The following CD36 variants were observed in gnomAD, a reference collection of about 807,000 sequenced individuals.
The protein encoded by CD36 is CD36 molecule (CD36 blood group).
A neutral mutation model predicts 55.2 loss-of-function variants in CD36; 119 were observed. The ratio of observed to expected loss-of-function variants is 2.15; its 90% CI spans 1.86 to 2.51. CD36 has a LOEUF of 2.51. Among genes scored for constraint, CD36 ranks in the 30% most tolerant of loss-of-function variants. The pLI, the probability that CD36 is intolerant of heterozygous loss-of-function variation, is 0.00. For missense variants in CD36, 819 were observed against 555.5 expected, an observed-to-expected ratio of 1.47 and a Z score of -4.77; for synonymous variants, 186 against 193.6, an observed-to-expected ratio of 0.96 and a Z score of 0.33.
At chr7:80,630,831 G>A (rs1321099651) in intron 1 of CD36, among the ~76,000 whole-genome samples, 1 of 151,930 alleles carries the variant, frequency 6.6e-6, no homozygotes, top group African/African-American at 2.4e-5. Flanking sequence ...ATGCAGCTTG[G>A]GAAAATAAAT....
chr7:80,663,080 A>G lies in CD36; in HGVS notation c.520A>G (p.Thr174Ala), dbSNP rs756525492. The change falls in exon 6 of 15, where the codon ACT becomes GCT. Residue 174 changes from threonine to alanine, a missense_variant. Physicochemically the swap from Thr to Ala is moderately conservative, Grantham distance 58. Coordinates refer to ENST00000447544, the MANE Select transcript of CD36 (RefSeq NM_001001548.3). ...AAAATCTTCTATGTTCCAAGTCAGA[A>G]CTTTGAGAGAACTGTTATGGGGCTA... ...KSKSSMFQVRTLRELLWGYRD... is the reference protein window; with the variant it reads ...KSKSSMFQVRALRELLWGYRD... 1.1e-5 allele frequency: 17 copies of G among 1,613,472 alleles called. No homozygotes were observed. In the African/African-American group the frequency reaches 2.3e-4, roughly 22 times the overall value.
At chr7:80,611,222 C>G (rs1179649703) in intron 1 of CD36, among the ~76,000 whole-genome samples, 3 of 152,140 alleles carry the variant, frequency 2.0e-5, no homozygotes, top group Non-Finnish European at 2.9e-5. Flanking sequence ...TGTTTTGTGG[C>G]CTTTCAGCAG....
intron 1 of CD36, among the ~76,000 whole-genome samples, chr7:80,608,426 G>C (rs1166731191): frequency 6.6e-6 from 1 of 152,096 alleles, no homozygotes; most frequent in Non-Finnish European, 1.5e-5. Flanking sequence ...TTGTACCTCT[G>C]CTTCCCTATC....
rs1000465011 is a variant in CD36, at chr7:80,661,051, C to A, written c.282-12C>A. 3 of 1,598,848 alleles carry A rather than the reference C, an allele frequency of 1.9e-6. No individual in the cohort carries two copies. Among genetic ancestry groups the A allele is most frequent in the Non-Finnish European group, 2.6e-6 (3 of 1,166,128 alleles). On this transcript the variant is annotated splice_polypyrimidine_tract_variant and intron_variant, in intron 4 of 14. Transcript: ENST00000447544. ...CAAATGTTTTGAATTTTGTTTACTG[C>A]TATTTCTTTAGAGTTCGTTTTCTAG... is the stretch of plus-strand genomic sequence containing the variant.
At chr7:80,669,810 T>C (rs1797473619) in intron 8 of CD36, 143 bp from the exon 9 acceptor site, 4 of 727,028 alleles carry the variant, frequency 5.5e-6, no homozygotes, top group Non-Finnish European at 1.0e-5. Flanking sequence ...TATTTCTTTT[T>C]ACCTTTTAAA....
At chr7:80,622,435 A>G (rs1254241659) in intron 1 of CD36, among the ~76,000 whole-genome samples, 2 of 152,374 alleles carry the variant, frequency 1.3e-5, no homozygotes, top group East Asian at 3.9e-4. Flanking sequence ...TCCACCAAAA[A>G]TCAAAGCAAT....
chr7:80,629,314 G>A (rs11770907), intron 1 of CD36, among the ~76,000 whole-genome samples: 67,949 of 151,850 alleles, frequency 0.45, 16,456 homozygotes, highest in Non-Finnish European at 0.54. Flanking sequence ...ATAAGCAGTG[G>A]GGATTGGAAT....
At chr7:80,649,713 G>A (rs1338624879) in intron 3 of CD36, among the ~76,000 whole-genome samples, 1 of 152,110 alleles carries the variant, frequency 6.6e-6, no homozygotes, top group African/African-American at 2.4e-5. Flanking sequence ...TTGCTATAAA[G>A]ATTAAAAATA....
Position 80,659,032 on chromosome 7 carries a change from C to G in CD36, c.282-2031C>G, listed in dbSNP as rs551109847. On this transcript the variant is annotated intron_variant, in intron 4 of 14. Coordinates refer to ENST00000447544, the MANE Select transcript of CD36 (RefSeq NM_001001548.3). Reference sequence around the variant, plus strand: ...TAAATTTTAGAATCCATAAATAGCTCTTTCTGTAACAATTTTAAAGGGATT... The same window carrying G: ...TAAATTTTAGAATCCATAAATAGCTGTTTCTGTAACAATTTTAAAGGGATT... Among the ~76,000 whole-genome samples, 6 of 152,234 alleles carry G rather than the reference C, an allele frequency of 3.9e-5. No homozygotes were observed. The East Asian group carries it at 1.2e-3, about 29-fold the overall frequency.
At chr7:80,653,515 C>T (rs1795785589) in intron 3 of CD36, among the ~76,000 whole-genome samples, 1 of 152,138 alleles carries the variant, frequency 6.6e-6, no homozygotes, top group Admixed American at 6.5e-5. Context: ...GTGAGAGTCA[C>T]CAGGTTGAAA....
At chr7:80,620,618 C>A (rs901879362) in intron 1 of CD36, among the ~76,000 whole-genome samples, 1 of 152,078 alleles carries the variant, frequency 6.6e-6, no homozygotes, top group Non-Finnish European at 1.5e-5. Flanking sequence ...CTGACTTCAG[C>A]ATTCCTTCCC....
chr7:80,603,759 TAC>T (rs1792374835), intron 1 of CD36, among the ~76,000 whole-genome samples: 1 of 126,316 alleles, frequency 7.9e-6, no homozygotes, highest in African/African-American at 3.4e-5. Context: ...ACTCAAGAAT[TAC>T]AGTCAGGCAA....
Position 80,661,221 on chromosome 7 carries a change from AAAC to A in CD36, c.429+17_429+19del, listed in dbSNP as rs751931544. 1 of 1,612,390 alleles carries A rather than the reference AAAC, an allele frequency of 6.2e-7. No homozygotes were observed. The highest frequency in any genetic ancestry group is 1.3e-5 in the African/African-American group (1 of 75,020). On this transcript the variant is annotated intron_variant, in intron 5 of 14. Coordinates refer to ENST00000447544, the MANE Select transcript of CD36 (RefSeq NM_001001548.3). ...AATCTGGCTGTGGCAGTGAGTAGAC[AAAC>A]AACAAAGTTATCTATTTTAAAATAC...
At chr7:80,611,795 G>T (rs1418521434) in intron 1 of CD36, among the ~76,000 whole-genome samples, 1 of 152,164 alleles carries the variant, frequency 6.6e-6, no homozygotes, top group East Asian at 1.9e-4. Flanking sequence ...GAGGAGGGAA[G>T]ACTAGACTGA....
chr7:80,652,050 A>G lies in CD36; in HGVS notation c.121-4490A>G, dbSNP rs541530191. Among the ~76,000 whole-genome samples the G allele has an allele frequency of 4.6e-5, 7 of 152,268 alleles. No homozygotes were observed. The South Asian group carries it at 1.4e-3, about 32-fold the overall frequency. Reference sequence around the variant, plus strand: ...TTTTTCATAGTATCTAAAAGCTCAAAAATAAATGACTAAAAATATTAAAGA... The same window carrying G: ...TTTTTCATAGTATCTAAAAGCTCAAGAATAAATGACTAAAAATATTAAAGA... On this transcript the variant is annotated intron_variant, in intron 3 of 14. Coordinates refer to ENST00000447544, the MANE Select transcript of CD36 (RefSeq NM_001001548.3).
At chr7:80,644,242 C>T (rs1298967830) in intron 1 of CD36, among the ~76,000 whole-genome samples, 1 of 152,106 alleles carries the variant, frequency 6.6e-6, no homozygotes, top group Non-Finnish European at 1.5e-5. Flanking sequence ...CTATTGTTAC[C>T]ACTCCACCCT....
At chr7:80,617,591 G>C (rs548458762) in intron 1 of CD36, among the ~76,000 whole-genome samples, 3 of 152,078 alleles carry the variant, frequency 2.0e-5, no homozygotes, top group African/African-American at 7.2e-5. Flanking sequence ...GCCGGGCATG[G>C]TGGCAGGTGC....
At chr7:80,633,643 A>G (rs1794217983), upstream of CD36, among the ~76,000 whole-genome samples, 1 of 152,050 alleles carries the variant, frequency 6.6e-6, no homozygotes. Flanking sequence ...CAACTTATAA[A>G]GCAGTTAGAA....
chr7:80,604,267 T>A (rs569608925), intron 1 of CD36, among the ~76,000 whole-genome samples: 28 of 148,332 alleles, frequency 1.9e-4, no homozygotes, highest in Non-Finnish European at 3.6e-4. Flanking sequence ...AAGTGTGCAA[T>A]GAATATAAAA....
Sources: gnomAD v4.1 joint callset for allele counts (sites outside exome capture counted in the v4.1 genomes callset) on GRCh38, gnomAD v4.1.1 for gene constraint, MANE v1.5 for transcripts, NCBI Gene and HGNC (gene_info 2026-07-23, HGNC 2026-07-21) for gene names.